Variants in NCOR1 observed in about 807,000 individuals in gnomAD.
NCOR1 encodes nuclear receptor corepressor 1, also known as protein phosphatase 1, regulatory subunit 109.
Under a neutral mutation model 288.1 loss-of-function variants are expected in NCOR1, and 63 were observed. The ratio of observed to expected loss-of-function variants is 0.22; its 90% CI spans 0.18 to 0.27. NCOR1 has a LOEUF of 0.27. NCOR1 is among the 10% of genes least tolerant of loss of function. NCOR1 has a pLI of 1.00. For synonymous variants in NCOR1, 1,007 were observed against 1,065.9 expected, an observed-to-expected ratio of 0.94 and a Z score of 1.08; for missense variants, 2,397 against 3,019.2, an observed-to-expected ratio of 0.79 and a Z score of 4.83.
intron 4 of NCOR1, 126 bp downstream of exon 4, chr17:16,171,677 A>T: frequency 7.2e-6 from 6 of 828,606 alleles, no homozygotes; most frequent in Non-Finnish European, 1.0e-5. Context: ...CAAAATTTTT[A>T]CTTTCCCATA....
chr17:16,127,463 G>A (rs55844265), intron 14 of NCOR1, among the ~76,000 whole-genome samples: 17,048 of 49,816 alleles, frequency 0.34, 5,660 homozygotes, highest in African/African-American at 0.57. Flanking sequence ...GTATATATAC[G>A]TGTATGTGTA....
intron 1 of NCOR1, among the ~76,000 whole-genome samples, chr17:16,201,166 CT>C (rs1368647052): frequency 6.6e-6 from 1 of 152,156 alleles, no homozygotes; most frequent in East Asian, 1.9e-4. Flanking sequence ...TGACATCTTA[CT>C]TAAAGACAGA....
intron 3 of NCOR1, among the ~76,000 whole-genome samples, chr17:16,175,229 G>A (rs182246761): frequency 2.6e-5 from 4 of 152,192 alleles, no homozygotes; most frequent in East Asian, 1.9e-4. Context: ...TTAGGCGGGC[G>A]TGGTGGTGCG....
intron 15 of NCOR1, among the ~76,000 whole-genome samples, chr17:16,122,886 C>G (rs528753311): frequency 1.3e-5 from 2 of 152,286 alleles, no homozygotes; most frequent in Admixed American, 6.5e-5. Flanking sequence ...ATTCTCCCAC[C>G]TTGGCTGGGA....
At chr17:16,195,910 A>G (rs1200821512) in intron 1 of NCOR1, among the ~76,000 whole-genome samples, 1 of 152,116 alleles carries the variant, frequency 6.6e-6, no homozygotes, top group Non-Finnish European at 1.5e-5. Flanking sequence ...TATGTATTTT[A>G]CATACATATG....
chr17:16,134,115 C>T (rs2076053541), intron 14 of NCOR1, among the ~76,000 whole-genome samples: 2 of 152,224 alleles, frequency 1.3e-5, no homozygotes, highest in Non-Finnish European at 2.9e-5. Context: ...TCTTCTCTCA[C>T]CTGGTATCAG....
At chr17:16,033,336 C>CAAAAAA (rs59285422) in intron 45 of NCOR1, among the ~76,000 whole-genome samples, 609 of 57,280 alleles carry the variant, frequency 0.011, 6 homozygotes, top group African/African-American at 0.033. Flanking sequence ...ACTCCGTCTC[C>CAAAAAA]AAAAAAAAAA....
chr17:16,160,007 T>G (rs925696522), intron 5 of NCOR1, among the ~76,000 whole-genome samples: 5 of 152,042 alleles, frequency 3.3e-5, no homozygotes, highest in African/African-American at 1.2e-4. Context: ...TTTCTGTATT[T>G]TTTTAGTAGA....
intron 6 of NCOR1, among the ~76,000 whole-genome samples, chr17:16,154,787 G>A (rs771866769): frequency 3.1e-4 from 47 of 152,304 alleles, no homozygotes; most frequent in African/African-American, 8.4e-4. Flanking sequence ...GGACTGAAGC[G>A]TGAGACTCAA....
intron 22 of NCOR1, among the ~76,000 whole-genome samples, chr17:16,089,121 G>C (rs1347057116): frequency 6.7e-6 from 1 of 149,178 alleles, no homozygotes; most frequent in African/African-American, 2.5e-5. Flanking sequence ...GGTCATAGTA[G>C]TGGTTTTTTT....
intron 40 of NCOR1, among the ~76,000 whole-genome samples, chr17:16,050,074 T>C (rs1483832929): frequency 1.3e-5 from 2 of 151,896 alleles, no homozygotes; most frequent in African/African-American, 4.8e-5. Context: ...TATTATATGT[T>C]TTATTATGTC....
intron 18 of NCOR1, among the ~76,000 whole-genome samples, chr17:16,117,276 G>A (rs2071825027): frequency 6.6e-6 from 1 of 152,062 alleles, no homozygotes; most frequent in Admixed American, 6.5e-5. Flanking sequence ...TAATTCAAGA[G>A]TATTTAATTC....
chr17:16,123,259 C>T (rs2073359872), intron 15 of NCOR1, among the ~76,000 whole-genome samples: 1 of 152,158 alleles, frequency 6.6e-6, no homozygotes, highest in African/African-American at 2.4e-5. Flanking sequence ...TTTGCTGTCT[C>T]CCTCTTCCCA....
chr17:16,136,384 G>T (rs1021051249), intron 14 of NCOR1, among the ~76,000 whole-genome samples: 3 of 152,068 alleles, frequency 2.0e-5, no homozygotes, highest in African/African-American at 7.2e-5. Flanking sequence ...GACAGGATGG[G>T]TCTCGCTATG....
Position 16,113,621 on chromosome 17 carries a change from G to A in NCOR1, c.2055+4267C>T, listed in dbSNP as rs764451943. 7.2e-5 allele frequency among the ~76,000 whole-genome samples: 11 copies of A among 152,216 alleles called. No homozygotes were observed. In the East Asian group the frequency reaches 1.2e-3, roughly 16 times the overall value. ...TAAAATCTATAATCTGGCCAGGCGCGGTGGCTCACGCCTGTAATCCCAGTA... is the reference window on the plus strand; with the variant it reads ...TAAAATCTATAATCTGGCCAGGCGCAGTGGCTCACGCCTGTAATCCCAGTA... On this transcript the variant is annotated intron_variant, in intron 18 of 45. Coordinates refer to ENST00000268712, the MANE Select transcript of NCOR1 (RefSeq NM_006311.4).
chr17:16,118,686 T>A (rs1171125638), intron 17 of NCOR1, among the ~76,000 whole-genome samples: 1 of 152,212 alleles, frequency 6.6e-6, no homozygotes, highest in Non-Finnish European at 1.5e-5. Flanking sequence ...AATGTGTCAC[T>A]CAAATGTCAA....
At chr17:16,060,683 G>A (rs1266421709) in intron 37 of NCOR1, among the ~76,000 whole-genome samples, 2 of 151,728 alleles carry the variant, frequency 1.3e-5, no homozygotes, top group African/African-American at 2.4e-5. Flanking sequence ...TTTTCATGAT[G>A]TCTAACTCTA....
chr17:16,058,080 T>C lies in NCOR1; in HGVS notation c.6011-16A>G, dbSNP rs370676036. The C allele has an allele frequency of 2.5e-6, 4 of 1,613,032 alleles. No individual in the cohort carries two copies. Among genetic ancestry groups the C allele is most frequent in the East Asian group, 2.2e-5 (1 of 44,862 alleles). Reference sequence around the variant, plus strand: ...GTAGGATCATCTAGGAGAGAACACATAGATGTCTTACTCCAGGAATGTCTG... The same window carrying C: ...GTAGGATCATCTAGGAGAGAACACACAGATGTCTTACTCCAGGAATGTCTG... On this transcript the variant is annotated splice_polypyrimidine_tract_variant and intron_variant, in intron 38 of 45. Coordinates refer to ENST00000268712, the MANE Select transcript of NCOR1 (RefSeq NM_006311.4).
Position 16,139,075 on chromosome 17 carries a change from T to G in NCOR1, c.1285A>C (p.Lys429Gln). Residue 429 changes from lysine to glutamine, a missense_variant, in exon 12 of 46, where the codon AAA becomes CAA. Lys to Gln is a moderately conservative substitution (Grantham distance 53). Coordinates refer to ENST00000268712, the MANE Select transcript of NCOR1 (RefSeq NM_006311.4). ...ATAAACTGCCTATCTTTATACACTT[T>G]CATAGGGTCCTCCATAAGCCCATTC... ...NMNGLMEDPM[K>Q]VYKDRQFMNV... The G allele has an allele frequency of 6.2e-7, 1 of 1,612,028 alleles. No homozygotes were observed. Among genetic ancestry groups the G allele is most frequent in the Non-Finnish European group, 8.5e-7 (1 of 1,178,946 alleles).
Sources: allele counts gnomAD v4.1 joint callset (sites outside exome capture counted in the v4.1 genomes callset), GRCh38; gene constraint gnomAD v4.1.1; transcripts MANE v1.5; gene names NCBI Gene and HGNC (gene_info 2026-07-23, HGNC 2026-07-21).